NOVA1: variants seen among roughly 807,000 people sequenced by gnomAD.
NOVA1 encodes NOVA alternative splicing regulator 1, also known as RNA-binding protein Nova-1.
In NOVA1, 7 loss-of-function variants were observed where a neutral mutation model predicts 38.0. That is an observed-to-expected ratio of 0.18 (90% CI 0.10 to 0.35). The LOEUF is 0.35. Ranked by LOEUF, NOVA1 falls within the 10% of genes least tolerant of loss-of-function variation. The pLI is 1.00. For synonymous variants in NOVA1, 270 were observed against 232.5 expected (o/e 1.16, Z -1.47); for missense variants, 460 against 616.0 (o/e 0.75, Z 2.68).
intron 2 of NOVA1, among the ~76,000 whole-genome samples, chr14:26,505,267 C>T (rs1012067790): frequency 2.0e-5 from 3 of 152,032 alleles, no homozygotes; most frequent in Admixed American, 6.6e-5. Context: ...CAAATCTCAC[C>T]TCGAATTATA....
At chr14:26,477,843 A>G (rs1020495773) in intron 3 of NOVA1, among the ~76,000 whole-genome samples, 1 of 152,148 alleles carries the variant, frequency 6.6e-6, no homozygotes, top group Middle Eastern at 3.4e-3. Context: ...TTTTGGAAAT[A>G]CATTTCACTG....
In NOVA1 at chr14:26,470,515, A is replaced by G. The variant is rs759207798; in HGVS notation, c.519+1805T>C. On this transcript the variant is annotated intron_variant, in intron 4 of 4. Coordinates refer to ENST00000539517, the MANE Select transcript of NOVA1 (RefSeq NM_002515.3). ...TCTTTGTACAAGAACAGAAGAAAAC[A>G]GAGTATAAGTAACAATATAACAGAG... 5.5e-6 allele frequency: 8 copies of G among 1,456,996 alleles called. 1 individual carries two copies. In the Admixed American group the frequency reaches 1.3e-4, roughly 24 times the overall value. The allele number at this position is 1,456,996 out of a possible 1,614,324, so 90.3% of individuals were successfully genotyped here.
At chr14:26,489,823 G>A (rs926534814) in intron 2 of NOVA1, among the ~76,000 whole-genome samples, 2 of 151,986 alleles carry the variant, frequency 1.3e-5, no homozygotes, top group Non-Finnish European at 2.9e-5. Flanking sequence ...GCAACAGAGT[G>A]ATACTCTGTC....
intron 2 of NOVA1, among the ~76,000 whole-genome samples, chr14:26,577,080 C>T (rs1212631362): frequency 6.6e-6 from 1 of 151,928 alleles, no homozygotes; most frequent in Non-Finnish European, 1.5e-5. Flanking sequence ...TTCTAGATTC[C>T]ACATACAAAT....
At chr14:26,539,497 T>C (rs80072913) in intron 2 of NOVA1, among the ~76,000 whole-genome samples, 6,610 of 151,846 alleles carry the variant, frequency 0.044, 400 homozygotes, top group African/African-American at 0.13. Context: ...CATCAGAATA[T>C]AAAAAGTGGA....
chr14:26,465,919 A>T (rs992575419), intron 4 of NOVA1, among the ~76,000 whole-genome samples: 1 of 152,146 alleles, frequency 6.6e-6, no homozygotes. Context: ...AGTATACAGT[A>T]TTCATGAGGC....
At chr14:26,484,361 G>A (rs979372348) in intron 2 of NOVA1, among the ~76,000 whole-genome samples, 3 of 124,980 alleles carry the variant, frequency 2.4e-5, no homozygotes, top group Non-Finnish European at 3.2e-5. Context: ...ACGCGAACCC[G>A]TGAGGCGGAG....
At position 26,492,617 on chromosome 14, in the gene NOVA1, C is replaced by T. The variant is rs185990326; in HGVS notation, c.281-12474G>A. Reference sequence around the variant, plus strand: ...TTCCTGGTAATCTATATTTTTCCAGCGCATTAAAGCTATCCTATGACTATA... The same window carrying T: ...TTCCTGGTAATCTATATTTTTCCAGTGCATTAAAGCTATCCTATGACTATA... On this transcript the variant is annotated intron_variant, in intron 2 of 4. Coordinates refer to ENST00000539517, the MANE Select transcript of NOVA1 (RefSeq NM_002515.3). Among the ~76,000 whole-genome samples the T allele has an allele frequency of 1.6e-4, 25 of 152,172 alleles. 1 individual carries two copies. Among genetic ancestry groups the T allele is most frequent in the Admixed American group, 1.4e-3 (22 of 15,284 alleles).
chr14:26,491,878 T>C (rs1401586803), intron 2 of NOVA1, among the ~76,000 whole-genome samples: 2 of 152,110 alleles, frequency 1.3e-5, no homozygotes, highest in Non-Finnish European at 2.9e-5. Context: ...AATCCTCAAC[T>C]CTGTAATTTT....
At chr14:26,591,044 G>A (rs992332278) in intron 2 of NOVA1, among the ~76,000 whole-genome samples, 11 of 151,562 alleles carry the variant, frequency 7.3e-5, no homozygotes, top group African/African-American at 2.4e-5. Context: ...CACAAGATAC[G>A]AATAAAATTG....
chr14:26,533,631 T>G (rs1555326612), intron 2 of NOVA1, among the ~76,000 whole-genome samples: 1 of 152,210 alleles, frequency 6.6e-6, no homozygotes. Flanking sequence ...CTGCCTGTAT[T>G]CATGAGGAAA....
At chr14:26,567,942 G>C (rs1313099472) in intron 2 of NOVA1, among the ~76,000 whole-genome samples, 1 of 152,086 alleles carries the variant, frequency 6.6e-6, no homozygotes, top group Non-Finnish European at 1.5e-5. Context: ...TAAAACATCT[G>C]AAGAGTTTCT....
chr14:26,507,114 A>C (rs1346344168), intron 2 of NOVA1, among the ~76,000 whole-genome samples: 3 of 152,146 alleles, frequency 2.0e-5, no homozygotes, highest in African/African-American at 7.2e-5. Flanking sequence ...TCAAGTACTA[A>C]TTTATCATAA....
intron 2 of NOVA1, among the ~76,000 whole-genome samples, chr14:26,550,187 T>C (rs2098790095): frequency 6.6e-6 from 1 of 152,150 alleles, no homozygotes; most frequent in African/African-American, 2.4e-5. Flanking sequence ...TACAACAAGA[T>C]TCTTTATTCT....
In NOVA1 at chr14:26,484,428, GAAAAAAAAAAA is replaced by G. The variant is rs869087238; in HGVS notation, c.281-4296_281-4286del. Reference sequence around the variant, plus strand: ...TCCAGCCTGGGCGAGACTCCGTCTCGAAAAAAAAAAAAAAAAAAAAAAAAAAAAAAAAAAGA... The same window carrying G: ...TCCAGCCTGGGCGAGACTCCGTCTCGAAAAAAAAAAAAAAAAAAAAAAAGA... On this transcript the variant is annotated intron_variant, in intron 2 of 4. Coordinates refer to ENST00000539517, the MANE Select transcript of NOVA1 (RefSeq NM_002515.3). Among the ~76,000 whole-genome samples, 11 of 56,456 alleles carry G rather than the reference GAAAAAAAAAAA, an allele frequency of 1.9e-4. No individual in the cohort carries two copies. In the South Asian group the frequency reaches 8.9e-3, roughly 46 times the overall value. 37.0% of individuals were successfully genotyped at this position (56,456 alleles called of 152,430 possible). A position where few individuals can be genotyped will look rare whatever the true frequency, so the allele number is the denominator to read the frequency against.
chr14:26,517,267 G>A (rs193106475), intron 2 of NOVA1, among the ~76,000 whole-genome samples: 1 of 152,214 alleles, frequency 6.6e-6, no homozygotes, highest in Admixed American at 6.5e-5. Context: ...CCTTCTTGAA[G>A]TACCTGGCTC....
intron 2 of NOVA1, among the ~76,000 whole-genome samples, chr14:26,551,820 T>C (rs1891177871): frequency 6.6e-6 from 1 of 152,058 alleles, no homozygotes; most frequent in Admixed American, 6.5e-5. Flanking sequence ...TTTAGGTATT[T>C]TTCTGTAGAT....
intron 2 of NOVA1, among the ~76,000 whole-genome samples, chr14:26,550,208 T>C (rs1262399974): frequency 6.6e-6 from 1 of 152,176 alleles, no homozygotes; most frequent in African/African-American, 2.4e-5. Flanking sequence ...GCTCAGCTAA[T>C]TATTTTTTGG....
At chr14:26,476,248 T>TGTACC (rs1566456980) in intron 3 of NOVA1, among the ~76,000 whole-genome samples, 5 of 152,222 alleles carry the variant, frequency 3.3e-5, no homozygotes, top group Admixed American at 3.3e-4. Flanking sequence ...TATGAATAGC[T>TGTACC]GTACCTACAA....
Sources: gnomAD v4.1 joint callset for allele counts (sites outside exome capture counted in the v4.1 genomes callset) on GRCh38, gnomAD v4.1.1 for gene constraint, MANE v1.5 for transcripts, NCBI Gene and HGNC (gene_info 2026-07-23, HGNC 2026-07-21) for gene names.